Variants in NMRK2 observed in about 807,000 individuals in gnomAD.
NMRK2 encodes NRK 2.
A neutral mutation model predicts 24.7 loss-of-function variants in NMRK2; 34 were observed. The ratio of observed to expected loss-of-function variants is 1.37; its 90% CI spans 1.05 to 1.83. NMRK2 has a LOEUF of 1.83. NMRK2 is among the 40% of genes most tolerant of loss of function. The pLI is 0.00. For synonymous variants in NMRK2, 145 were observed against 125.6 expected (o/e 1.15, Z -1.03); for missense variants, 341 against 315.0 (o/e 1.08, Z -0.62).
At position 3,942,103 on chromosome 19, in the gene NMRK2, T is replaced by A; in HGVS notation, c.523T>A (p.Ser175Thr). Residue 175 changes from serine (S) to threonine (T), a missense_variant, in exon 8 of 8, where the codon TCC (serine) becomes ACC (threonine). Transcript: ENST00000168977. ...VEVVYLDGMKSREELFREVLE... is the reference protein window; with the variant it reads ...VEVVYLDGMKTREELFREVLE... ...TTCAGTCTACCTGGACGGCATGAAG[T>A]CCCGAGAGGAGCTCTTCCGTGAAGT... 1 of 1,613,116 alleles carries A rather than the reference T, an allele frequency of 6.2e-7. No homozygotes were observed. The highest frequency in any genetic ancestry group is 8.5e-7 in the Non-Finnish European group (1 of 1,179,958).
At chr19:3,942,006 AC>A in intron 7 of NMRK2, 76 bp from the exon 8 acceptor site, 1 of 1,228,374 alleles carries the variant, frequency 8.1e-7, no homozygotes. Context: ...CTTGCTCCTG[AC>A]CCAGCCGTCC....
intron 2 of NMRK2, among the ~76,000 whole-genome samples, chr19:3,935,195 A>G (rs1233835730): frequency 2.1e-5 from 3 of 145,724 alleles, no homozygotes; most frequent in East Asian, 4.0e-4. Context: ...AACATTAGGC[A>G]TTTTTCTAAC....
rs1324760454 is a variant in NMRK2 at position 3,941,082 on chromosome 19, A to G, written c.407A>G (p.Tyr136Cys). 23 of 1,612,662 alleles carry G rather than the reference A, an allele frequency of 1.4e-5. No homozygotes were observed. The highest frequency in any genetic ancestry group is 1.7e-5 in the Non-Finnish European group (20 of 1,178,846). ...TTCTCCCTCTGCAGTACCCGCAACT[A>G]CACAGTCCCTGATCCCCCCGGCCTC... ...ECKWRRSTRN[Y>C]TVPDPPGLFD... Residue 136 changes from tyrosine (Y) to cysteine (C), a missense_variant, in exon 7 of 8, where the codon TAC becomes TGC. Physicochemically the swap from Tyr to Cys is radical, Grantham distance 194. Transcript: ENST00000168977.
rs1185567157 is a variant in NMRK2 at position 3,933,559 on chromosome 19, A to T, written c.-113A>T. The T allele has an allele frequency of 2.4e-6, 3 of 1,267,724 alleles. No individual in the cohort carries two copies. In the Admixed American group the frequency reaches 7.2e-5, roughly 30 times the overall value. The allele number at this position is 1,267,724 out of a possible 1,614,324, so 78.5% of individuals were successfully genotyped here. On this transcript the variant is annotated 5_prime_UTR_variant, in exon 2 of 8. Coordinates refer to ENST00000168977, the MANE Select transcript of NMRK2 (RefSeq NM_170678.3). ...GGCGGCCTCCAGGCTGCCGAGACCT[A>T]TAAAGGCGCCAGGTTTTCTCAATGA...
Position 3,938,654 on chromosome 19 carries a change from T to A in NMRK2, c.218T>A (p.Leu73Gln). Residue 73 changes from leucine to glutamine, a missense_variant, in exon 5 of 8, where the codon CTG (leucine) becomes CAG (glutamine). By Grantham distance (113) the Leu-to-Gln change is moderately radical. Coordinates refer to ENST00000168977, the MANE Select transcript of NMRK2 (RefSeq NM_170678.3). ...EAMLDTVQAW[L>Q]SSPQKFARAH... is the part of the protein sequence containing the mutation. ...ATGCTGGACACCGTGCAGGCCTGGC[T>A]GAGCAGCCCGCAGAAGTTTGCCCGT... 6.2e-7 allele frequency: 1 copy of A among 1,611,864 alleles called. No individual in the cohort carries two copies. Among genetic ancestry groups the A allele is most frequent in the African/African-American group, 1.3e-5 (1 of 74,964 alleles).
Position 3,942,121 on chromosome 19 carries a change from C to G in NMRK2, c.541C>G (p.Arg181Gly), listed in dbSNP as rs201732259. The change falls in exon 8 of 8, where the codon CGT becomes GGT. Residue 181 changes from arginine to glycine, a missense_variant. By Grantham distance (125) the Arg-to-Gly change is moderately radical. Transcript: ENST00000168977. ...DGMKSREELF[R>G]EVLEDIQNSL... ...CATGAAGTCCCGAGAGGAGCTCTTC[C>G]GTGAAGTCCTGGAAGACATTCAGAA... 3 of 1,613,334 alleles carry G rather than the reference C, an allele frequency of 1.9e-6. No individual in the cohort carries two copies. The South Asian group carries it at 3.3e-5, about 18-fold the overall frequency.
intron 6 of NMRK2, among the ~76,000 whole-genome samples, chr19:3,940,734 CAAAA>C (rs752138779): frequency 3.8e-4 from 28 of 74,368 alleles, no homozygotes; most frequent in Non-Finnish European, 5.5e-4. Flanking sequence ...GATTCCATCT[CAAAA>C]AAAAAAAAAA....
rs747937794 is a variant in NMRK2, at chr19:3,942,214, G to T, written c.634G>T (p.Gly212Ter). 1 of 1,612,674 alleles carries T rather than the reference G, an allele frequency of 6.2e-7. No individual in the cohort carries two copies. Among genetic ancestry groups the T allele is most frequent in the Non-Finnish European group, 8.5e-7 (1 of 1,179,916 alleles). The change falls in exon 8 of 8, where the codon GGA (glycine) becomes TGA (stop). Residue 212 changes from glycine to a stop codon, truncating the protein, a stop_gained. Coordinates refer to ENST00000168977, the MANE Select transcript of NMRK2 (RefSeq NM_170678.3). LOFTEE classifies it low-confidence loss of function (END_TRUNC). ...TCGCCCAGCCAGGACACAGGGACCCGGACGCGGATGCGGCCACAGAACGGC... is the reference window on the plus strand; with the variant it reads ...TCGCCCAGCCAGGACACAGGGACCCTGACGCGGATGCGGCCACAGAACGGC... ...PARPARTQGPGRGCGHRTARP... is the reference protein window; with the variant it reads ...PARPARTQGP
intron 2 of NMRK2, 55 bp from the exon 3 acceptor site, chr19:3,936,520 C>T: frequency 1.8e-5 from 25 of 1,379,708 alleles, no homozygotes; most frequent in Non-Finnish European, 2.5e-5. Context: ...CTTCTGAGCA[C>T]CCTGACCTTC....
intron 7 of NMRK2, among the ~76,000 whole-genome samples, chr19:3,941,410 C>T (rs1015019922): frequency 1.1e-4 from 16 of 151,524 alleles, no homozygotes; most frequent in African/African-American, 3.6e-4. Context: ...CCACCACACT[C>T]GGCCCCTAAT....
Position 3,933,506 on chromosome 19 carries a change from C to T in NMRK2, c.-166C>T, listed in dbSNP as rs2039151482. 4 of 674,394 alleles carry T rather than the reference C, an allele frequency of 5.9e-6. 1 individual carries two copies. In the South Asian group the frequency reaches 8.3e-5, roughly 14 times the overall value. The allele number at this position is 674,394 out of a possible 1,614,324, so 41.8% of individuals were successfully genotyped here. On this transcript the variant is annotated 5_prime_UTR_variant, in exon 2 of 8. Coordinates refer to ENST00000168977, the MANE Select transcript of NMRK2 (RefSeq NM_170678.3). The stretch of plus-strand genomic sequence containing the variant: ...GCGGGAACAGGTGCCGGCGCCTCCG[C>T]CCCATCCCCAGGGGCCGCCTCCCCC...
At position 3,939,981 on chromosome 19, in the gene NMRK2, G is replaced by A; in HGVS notation, c.395+10G>A. On this transcript the variant is annotated intron_variant, in intron 6 of 7. Coordinates refer to ENST00000168977, the MANE Select transcript of NMRK2 (RefSeq NM_170678.3). ...GCAAGTGGAGGAGAAGGTGCACTTGGTGTCTGGGGGTGCGGTGGGCTCCTG... is the reference window on the plus strand; with the variant it reads ...GCAAGTGGAGGAGAAGGTGCACTTGATGTCTGGGGGTGCGGTGGGCTCCTG... 1 of 1,609,382 alleles carries A rather than the reference G, an allele frequency of 6.2e-7. No individual in the cohort carries two copies. Among genetic ancestry groups the A allele is most frequent in the Non-Finnish European group, 8.5e-7 (1 of 1,176,168 alleles).
In NMRK2 at chr19:3,938,644, C is replaced by A; in HGVS notation, c.208C>A (p.Gln70Lys). Residue 70 changes from glutamine to lysine, a missense_variant, in exon 5 of 8, where the codon CAG (glutamine) becomes AAG (lysine). Physicochemically the swap from Gln to Lys is moderately conservative, Grantham distance 53. Coordinates refer to ENST00000168977, the MANE Select transcript of NMRK2 (RefSeq NM_170678.3). ...CATGGAGGCCATGCTGGACACCGTG[C>A]AGGCCTGGCTGAGCAGCCCGCAGAA... ...LDMEAMLDTV[Q>K]AWLSSPQKFA... The A allele has an allele frequency of 1.2e-6, 2 of 1,609,868 alleles. No homozygotes were observed. Among genetic ancestry groups the A allele is most frequent in the East Asian group, 2.2e-5 (1 of 44,646 alleles).
chr19:3,940,096 C>G, intron 6 of NMRK2, 125 bp downstream of exon 6: 1 of 817,810 alleles, frequency 1.2e-6, no homozygotes, highest in Non-Finnish European at 2.0e-6. Context: ...GCTGTAATCC[C>G]AGCACTTCCG....
chr19:3,933,620 C>G lies in NMRK2; in HGVS notation c.-52C>G. The G allele has an allele frequency of 6.6e-7, 1 of 1,516,002 alleles. No individual in the cohort carries two copies. Among genetic ancestry groups the G allele is most frequent in the Non-Finnish European group, 8.8e-7 (1 of 1,133,446 alleles). 93.9% of individuals were successfully genotyped at this position (1,516,002 alleles called of 1,614,324 possible). On this transcript the variant is annotated 5_prime_UTR_variant, in exon 2 of 8. Transcript: ENST00000168977. ...CACTCCGGAGCGCACTGCGTGGTCG[C>G]ACCCTACCCGGGCTGCCTTGGAAGT...
At position 3,939,983 on chromosome 19, in the gene NMRK2, G is replaced by A. The variant is rs373037496; in HGVS notation, c.395+12G>A. On this transcript the variant is annotated intron_variant, in intron 6 of 7. Coordinates refer to ENST00000168977, the MANE Select transcript of NMRK2 (RefSeq NM_170678.3). ...AAGTGGAGGAGAAGGTGCACTTGGTGTCTGGGGGTGCGGTGGGCTCCTGAG... is the reference window on the plus strand; with the variant it reads ...AAGTGGAGGAGAAGGTGCACTTGGTATCTGGGGGTGCGGTGGGCTCCTGAG... 83 of 1,609,506 alleles carry A rather than the reference G, an allele frequency of 5.2e-5. 2 individuals are homozygous for A. Among genetic ancestry groups the A allele is most frequent in the South Asian group, 4.9e-4 (45 of 90,928 alleles).
intron 6 of NMRK2, among the ~76,000 whole-genome samples, 156 bp from the exon 7 acceptor site, chr19:3,940,915 G>C (rs112539871): frequency 6.6e-6 from 1 of 152,132 alleles, no homozygotes; most frequent in South Asian, 2.1e-4. Context: ...TGAACATGCC[G>C]GAGGTTGGAG....
intron 4 of NMRK2, 54 bp from the exon 5 acceptor site, chr19:3,938,549 G>A (rs1401799637): frequency 5.7e-5 from 81 of 1,431,094 alleles, no homozygotes; most frequent in African/African-American, 1.2e-4. Flanking sequence ...CCCGCTCCCC[G>A]TCCACTATCC....
At chr19:3,941,987 G>A in intron 7 of NMRK2, 96 bp from the exon 8 acceptor site, 1 of 995,546 alleles carries the variant, frequency 1.0e-6, no homozygotes, top group South Asian at 1.5e-5. Flanking sequence ...GCCCGACTCT[G>A]CAGATCTCCT....
Sources: allele counts gnomAD v4.1 joint callset (sites outside exome capture counted in the v4.1 genomes callset), GRCh38; gene constraint gnomAD v4.1.1; transcripts MANE v1.5; gene names NCBI Gene and HGNC (gene_info 2026-07-23, HGNC 2026-07-21).